MBOAT2: variants seen among roughly 807,000 people sequenced by gnomAD.
MBOAT2 encodes membrane bound glycerophospholipid O-acyltransferase 2.
A neutral mutation model predicts 63.4 loss-of-function variants in MBOAT2; 28 were observed. That is an observed-to-expected ratio of 0.44 (90% CI 0.33 to 0.61). MBOAT2 has a LOEUF of 0.61. Among genes scored for constraint, MBOAT2 ranks in the 20% least tolerant of loss-of-function variants. The pLI is 0.03. For missense variants in MBOAT2, 470 were observed against 605.8 expected, an observed-to-expected ratio of 0.78 and a Z score of 2.35; for synonymous variants, 211 against 215.6, an observed-to-expected ratio of 0.98 and a Z score of 0.19.
chr2:8,950,491 G>T (rs549294442), intron 2 of MBOAT2, among the ~76,000 whole-genome samples: 1 of 152,084 alleles, frequency 6.6e-6, no homozygotes, highest in Non-Finnish European at 1.5e-5. Flanking sequence ...GCAGTGGCGC[G>T]ATCTCAGCTC....
intron 4 of MBOAT2, among the ~76,000 whole-genome samples, chr2:8,888,588 T>C (rs1245323798): frequency 6.6e-6 from 1 of 152,098 alleles, no homozygotes; most frequent in South Asian, 2.1e-4. Flanking sequence ...TTTAAAATCA[T>C]AAGAAAAAAA....
At position 8,855,119 on chromosome 2, in the gene MBOAT2, T is replaced by C. The variant is rs1388558915; in HGVS notation, c.*3560A>G. On this transcript the variant is annotated 3_prime_UTR_variant, in exon 13 of 13. Transcript: ENST00000305997. ...GATTTAAGGGATTCAGAGGTTTCAC[T>C]GTTATCATGACAACCTTTTGAAATG... is the stretch of plus-strand genomic sequence containing the variant. 6.6e-6 allele frequency: 1 copy of C among 152,256 alleles called. No homozygotes were observed. The highest frequency in any genetic ancestry group is 1.5e-5 in the Non-Finnish European group (1 of 68,044). 9.4% of individuals were successfully genotyped at this position (152,256 alleles called of 1,614,324 possible). A position where few individuals can be genotyped will look rare whatever the true frequency, so the allele number is the denominator to read the frequency against.
At chr2:8,903,307 T>C (rs1349186712) in intron 4 of MBOAT2, among the ~76,000 whole-genome samples, 1 of 152,150 alleles carries the variant, frequency 6.6e-6, no homozygotes, top group East Asian at 1.9e-4. Flanking sequence ...CCTACAAAAG[T>C]ACCTGGCTCA....
chr2:8,965,373 T>A (rs949164247), intron 1 of MBOAT2, among the ~76,000 whole-genome samples: 2 of 152,154 alleles, frequency 1.3e-5, no homozygotes, highest in Non-Finnish European at 2.9e-5. Context: ...TCATGTGAGA[T>A]CAGTGTTATC....
chr2:8,858,559 A>G lies in MBOAT2; in HGVS notation c.*120T>C, dbSNP rs1325348342. ...CTGGTGTACAGGAAATTCCTTATCTATAACTGTCCATTTCCCCCCAGTTAA... is the reference window on the plus strand; with the variant it reads ...CTGGTGTACAGGAAATTCCTTATCTGTAACTGTCCATTTCCCCCCAGTTAA... On this transcript the variant is annotated 3_prime_UTR_variant, in exon 13 of 13. Coordinates refer to ENST00000305997, the MANE Select transcript of MBOAT2 (RefSeq NM_138799.4). The G allele has an allele frequency of 3.1e-5, 22 of 706,724 alleles. No homozygotes were observed. Among genetic ancestry groups the G allele is most frequent in the Non-Finnish European group, 4.4e-5 (19 of 428,456 alleles). 43.8% of individuals were successfully genotyped at this position (706,724 alleles called of 1,614,324 possible).
At chr2:8,979,310 T>C (rs992956758) in intron 1 of MBOAT2, among the ~76,000 whole-genome samples, 4 of 152,190 alleles carry the variant, frequency 2.6e-5, no homozygotes, top group Non-Finnish European at 4.4e-5. Flanking sequence ...TAATACACTA[T>C]CTAAATGAAC....
intron 1 of MBOAT2, among the ~76,000 whole-genome samples, chr2:8,998,213 AG>A (rs1310902554): frequency 6.6e-6 from 1 of 152,250 alleles, no homozygotes; most frequent in African/African-American, 2.4e-5. Context: ...CAAGATTCTC[AG>A]TCCCATATGC....
At chr2:8,867,014 G>A (rs1437601315) in intron 9 of MBOAT2, among the ~76,000 whole-genome samples, 1 of 152,078 alleles carries the variant, frequency 6.6e-6, no homozygotes, top group Non-Finnish European at 1.5e-5. Context: ...TCTTCTATTT[G>A]GAATGTTGGA....
chr2:8,864,419 T>A (rs1313272962), intron 9 of MBOAT2, among the ~76,000 whole-genome samples, 185 bp from the exon 10 acceptor site: 1 of 151,976 alleles, frequency 6.6e-6, no homozygotes, highest in Non-Finnish European at 1.5e-5. Context: ...ACAAGTTTAT[T>A]TATTGTTGGG....
chr2:8,861,228 A>G (rs1661472803), intron 11 of MBOAT2: 1 of 152,378 alleles, frequency 6.6e-6, no homozygotes, highest in Non-Finnish European at 1.5e-5. Flanking sequence ...GTGAAAGACA[A>G]ACTTGGCTTT....
At chr2:8,893,325 C>G (rs1396733537) in intron 4 of MBOAT2, among the ~76,000 whole-genome samples, 1 of 152,176 alleles carries the variant, frequency 6.6e-6, no homozygotes, top group Non-Finnish European at 1.5e-5. Context: ...CAGCTTCAGG[C>G]ACGCTTGGCA....
At position 8,862,379 on chromosome 2, in the gene MBOAT2, C is replaced by T. The variant is rs188998874; in HGVS notation, c.1185+211G>A. ...CTCCTACCTGCCGGGCACATAGAAA[C>T]GTGTTTTCTCCTCACAGGAACTGGG... On this transcript the variant is annotated intron_variant, in intron 11 of 12. Coordinates refer to ENST00000305997, the MANE Select transcript of MBOAT2 (RefSeq NM_138799.4). The surrounding 1 kb of genome is among the most constrained non-coding windows in gnomAD (Gnocchi z 4.3). 3,579 of 1,426,488 alleles carry T rather than the reference C, an allele frequency of 2.5e-3. 15 individuals are homozygous for T. The highest frequency in any genetic ancestry group is 9.7e-3 in the South Asian group (754 of 78,002). 88.4% of individuals were successfully genotyped at this position (1,426,488 alleles called of 1,614,324 possible).
intron 1 of MBOAT2, among the ~76,000 whole-genome samples, chr2:8,996,204 G>C (rs1480235129): frequency 6.6e-6 from 1 of 152,174 alleles, no homozygotes; most frequent in Non-Finnish European, 1.5e-5. Flanking sequence ...CTCAACATTT[G>C]CCACTGGATT....
At chr2:9,001,148 C>G (rs1279228106) in intron 1 of MBOAT2, among the ~76,000 whole-genome samples, 2 of 152,068 alleles carry the variant, frequency 1.3e-5, no homozygotes, top group Admixed American at 1.3e-4. Flanking sequence ...ACAATGCCTT[C>G]TGGAATATTT....
Position 8,867,444 on chromosome 2 carries a change from T to G in MBOAT2, c.987+1002A>C, listed in dbSNP as rs150870441. 3.7e-3 allele frequency among the ~76,000 whole-genome samples: 566 copies of G among 152,312 alleles called. 6 individuals are homozygous for G. The highest frequency in any genetic ancestry group is 0.013 in the African/African-American group (543 of 41,582). ...CAGGGCCTGAACTGCCACGTGCTGA[T>G]AGTTCCCAGATTTCACTCTCAAGCT... is the stretch of plus-strand genomic sequence containing the variant. On this transcript the variant is annotated intron_variant, in intron 9 of 12. Transcript: ENST00000305997.
At chr2:8,953,220 A>T (rs1053119156) in intron 2 of MBOAT2, among the ~76,000 whole-genome samples, 1 of 152,142 alleles carries the variant, frequency 6.6e-6, no homozygotes, top group African/African-American at 2.4e-5. Context: ...TTCACTTAAG[A>T]AGTTTAGTTT....
chr2:8,858,964 C>A (rs924729221), intron 12 of MBOAT2, 60 bp from the exon 13 acceptor site: 3 of 1,237,300 alleles, frequency 2.4e-6, no homozygotes, highest in Non-Finnish European at 3.4e-6. Context: ...TTAATAACTG[C>A]ACACTTGTCA....
At chr2:8,872,955 T>A (rs1457019968) in intron 8 of MBOAT2, among the ~76,000 whole-genome samples, 153 bp downstream of exon 8, 1 of 152,230 alleles carries the variant, frequency 6.6e-6, no homozygotes, top group African/African-American at 2.4e-5. Flanking sequence ...TATACTTACA[T>A]ATGAGTTGCG....
chr2:8,873,977 AT>A (rs1338066872), intron 7 of MBOAT2, among the ~76,000 whole-genome samples: 2 of 152,224 alleles, frequency 1.3e-5, no homozygotes, highest in African/African-American at 4.8e-5. Flanking sequence ...TTTCAACTTC[AT>A]TTGGTATAAA....
Sources: gnomAD v4.1 joint callset for allele counts (sites outside exome capture counted in the v4.1 genomes callset) on GRCh38, gnomAD v4.1.1 for gene constraint, Gnocchi (gnomAD v3.1) non-coding constraint, MANE v1.5 for transcripts, NCBI Gene and HGNC (gene_info 2026-07-23, HGNC 2026-07-21) for gene names.